Variants in SKA2 observed in about 807,000 individuals in gnomAD.
The protein encoded by SKA2 is spindle and kinetochore associated complex subunit 2, also known as spindle and kinetochore-associated protein 2.
In SKA2, 13 loss-of-function variants were observed where a neutral mutation model predicts 16.9. That is an observed-to-expected ratio of 0.77 (90% CI 0.50 to 1.22). The LOEUF is 1.22. Ranked by LOEUF, SKA2 falls within the 50% of genes most tolerant of loss-of-function variation. SKA2 has a pLI of 0.00. For missense variants in SKA2, 107 were observed against 139.7 expected (o/e 0.77, Z 1.18); for synonymous variants, 47 against 48.5 (o/e 0.97, Z 0.13).
At chr17:59,137,391 A>G (rs1420949598) in intron 1 of SKA2, among the ~76,000 whole-genome samples, 1 of 152,198 alleles carries the variant, frequency 6.6e-6, no homozygotes, top group Non-Finnish European at 1.5e-5. Context: ...TTACAAAGCT[A>G]GTCAACTAAA....
intron 2 of SKA2, among the ~76,000 whole-genome samples, chr17:59,130,608 C>A (rs1043879097): frequency 1.3e-5 from 2 of 149,164 alleles, no homozygotes; most frequent in Non-Finnish European, 3.0e-5. Context: ...CCAGCCTGGA[C>A]GACAGAGTGA....
intron 3 of SKA2, among the ~76,000 whole-genome samples, chr17:59,117,494 TCAAA>T (rs2046304361): frequency 6.6e-6 from 1 of 152,060 alleles, no homozygotes; most frequent in Non-Finnish European, 1.5e-5. Context: ...ACTTCTGGGG[TCAAA>T]GGATCCTTCT....
chr17:59,119,354 T>C lies in SKA2; in HGVS notation c.262A>G (p.Met88Val). The change falls in exon 3 of 4, where the codon ATG (methionine) becomes GTG (valine). Residue 88 changes from methionine to valine, a missense_variant. By Grantham distance (21) the Met-to-Val change is conservative. Transcript: ENST00000330137. ...ICATVKKTMN[M>V]IQKLQKQTDL... ...GTTTGCTTCTGTAGTTTTTGTATCA[T>C]ATTCATAGTCTTTTTCACAGTAGCA... is the stretch of plus-strand genomic sequence containing the variant. 1.2e-6 allele frequency: 2 copies of C among 1,613,978 alleles called. No homozygotes were observed. The highest frequency in any genetic ancestry group is 1.6e-4 in the Middle Eastern group (1 of 6,062).
rs1416796895 is a variant in SKA2, at chr17:59,119,323, A to G, written c.293T>C (p.Leu98Pro). 2.0e-5 allele frequency: 33 copies of G among 1,613,706 alleles called. No individual in the cohort carries two copies. The highest frequency in any genetic ancestry group is 2.6e-5 in the Non-Finnish European group (31 of 1,179,810). The change falls in exon 3 of 4, where the codon CTG becomes CCG. Residue 98 changes from leucine to proline, a missense_variant. Transcript: ENST00000330137. ...CCTGTCAACTGAAAGCATTACCTCC[A>G]GGTCTGTTTGCTTCTGTAGTTTTTG... Reference protein sequence around the residue: ...MIQKLQKQTDLELSPLTKEEK... With the variant: ...MIQKLQKQTDPELSPLTKEEK...
chr17:59,129,915 GGGAGGGAAGGAA>G (rs2046399639), intron 2 of SKA2, among the ~76,000 whole-genome samples: 1 of 135,816 alleles, frequency 7.4e-6, no homozygotes, highest in African/African-American at 2.8e-5. Context: ...GAGGGAGGGA[GGGAGGGAAGGAA>G]GGAAGGAAGG....
intron 3 of SKA2, among the ~76,000 whole-genome samples, chr17:59,114,884 G>C (rs2046286111): frequency 6.6e-6 from 1 of 152,142 alleles, no homozygotes. Context: ...GAACACCCCA[G>C]ACCTACAGAA....
chr17:59,153,762 T>C (rs868509671), intron 1 of SKA2, among the ~76,000 whole-genome samples: 8 of 152,114 alleles, frequency 5.3e-5, no homozygotes, highest in Admixed American at 1.3e-4. Context: ...AAGAAGTCTT[T>C]TACTTTTTTA....
intron 1 of SKA2, among the ~76,000 whole-genome samples, chr17:59,152,413 A>T (rs527738924): frequency 6.6e-6 from 1 of 152,338 alleles, no homozygotes; most frequent in South Asian, 2.1e-4. Flanking sequence ...GGGCCACATA[A>T]CTAAAATATT....
intron 1 of SKA2, among the ~76,000 whole-genome samples, chr17:59,138,041 C>G (rs1310300203): frequency 1.2e-4 from 18 of 152,006 alleles, no homozygotes. Flanking sequence ...TATTGTTTAA[C>G]TTTTTAGGGG....
In SKA2 at chr17:59,112,018, AGT is replaced by A; in HGVS notation, c.*257_*258del. 11 of 351,098 alleles carry A rather than the reference AGT, an allele frequency of 3.1e-5. No homozygotes were observed. Among genetic ancestry groups the A allele is most frequent in the Non-Finnish European group, 4.8e-5 (9 of 186,620 alleles). 21.7% of individuals were successfully genotyped at this position (351,098 alleles called of 1,614,324 possible). A position where few individuals can be genotyped will look rare whatever the true frequency, so the allele number is the denominator to read the frequency against. The stretch of plus-strand genomic sequence containing the variant: ...TTTCTGGCCTGAAATTACAAGACTA[AGT>A]GTGTGTGTGCATGCGTGTGTACATA... On this transcript the variant is annotated 3_prime_UTR_variant, in exon 4 of 4. Coordinates refer to ENST00000330137, the MANE Select transcript of SKA2 (RefSeq NM_182620.4).
intron 1 of SKA2, among the ~76,000 whole-genome samples, chr17:59,146,568 C>T (rs1412435675): frequency 6.6e-6 from 1 of 152,000 alleles, no homozygotes; most frequent in Admixed American, 6.6e-5. Flanking sequence ...CTGATTCTAA[C>T]TTTTAAAATG....
At chr17:59,154,855 G>A in intron 1 of SKA2, 2 of 1,272,446 alleles carry the variant, frequency 1.6e-6, no homozygotes, top group Non-Finnish European at 2.2e-6. Flanking sequence ...GTTTCGTAAG[G>A]GGTGTAAAGG....
chr17:59,146,999 T>G (rs2046537526), intron 1 of SKA2, among the ~76,000 whole-genome samples: 1 of 151,998 alleles, frequency 6.6e-6, no homozygotes, highest in Admixed American at 6.6e-5. Context: ...TTCTTTTCTT[T>G]TTTTTTGGGG....
At chr17:59,150,514 AC>A (rs997929925) in intron 1 of SKA2, among the ~76,000 whole-genome samples, 1 of 152,140 alleles carries the variant, frequency 6.6e-6, no homozygotes, top group African/African-American at 2.4e-5. Context: ...AGGCAAGAGG[AC>A]TGTTTGAGCC....
chr17:59,136,353 G>A (rs1341933253), intron 1 of SKA2, among the ~76,000 whole-genome samples: 1 of 151,670 alleles, frequency 6.6e-6, no homozygotes. Flanking sequence ...TAGTAGAGAC[G>A]GGGTATCACC....
chr17:59,153,319 AT>A (rs2046591428), intron 1 of SKA2, among the ~76,000 whole-genome samples: 1 of 152,180 alleles, frequency 6.6e-6, no homozygotes, highest in Non-Finnish European at 1.5e-5. Flanking sequence ...AATGCTTAAC[AT>A]TTTGTTTTTT....
At chr17:59,117,297 GGTTT>G (rs1186947641) in intron 3 of SKA2, among the ~76,000 whole-genome samples, 1 of 152,186 alleles carries the variant, frequency 6.6e-6, no homozygotes, top group East Asian at 1.9e-4. Context: ...TCAATATAAT[GGTTT>G]GTTTATTAAG....
intron 1 of SKA2, among the ~76,000 whole-genome samples, chr17:59,134,568 T>C (rs1382355204): frequency 1.3e-5 from 2 of 152,094 alleles, no homozygotes; most frequent in African/African-American, 4.8e-5. Flanking sequence ...TCCTTTTTTT[T>C]TTTGGAGGAG....
At chr17:59,130,163 T>C (rs1435100928) in intron 2 of SKA2, among the ~76,000 whole-genome samples, 1 of 152,002 alleles carries the variant, frequency 6.6e-6, no homozygotes, top group African/African-American at 2.4e-5. Flanking sequence ...AAATAAACAG[T>C]AAAAACTGAA....
Sources: gnomAD v4.1 joint callset for allele counts (sites outside exome capture counted in the v4.1 genomes callset) on GRCh38, gnomAD v4.1.1 for gene constraint, MANE v1.5 for transcripts, NCBI Gene and HGNC (gene_info 2026-07-23, HGNC 2026-07-21) for gene names.